The following RABGAP1L variants were observed in gnomAD, a reference collection of about 807,000 sequenced individuals.
The protein encoded by RABGAP1L is rab GTPase-activating protein 1-like.
RABGAP1L carries 63 observed loss-of-function variants against 137.7 expected under a neutral mutation model. The ratio of observed to expected loss-of-function variants is 0.46; its 90% CI spans 0.37 to 0.56. The LOEUF (loss-of-function observed/expected upper bound fraction) is 0.56, where lower values mean the gene tolerates loss of function less well. Ranked by LOEUF, RABGAP1L falls within the 20% of genes least tolerant of loss-of-function variation. The pLI, the probability that RABGAP1L is intolerant of heterozygous loss-of-function variation, is 0.00. For missense variants in RABGAP1L, 1,095 were observed against 1,244.0 expected (o/e 0.88, Z 1.80); for synonymous variants, 431 against 433.7 (o/e 0.99, Z 0.08).
chr1:174,456,767 G>C (rs1181557403), intron 13 of RABGAP1L, among the ~76,000 whole-genome samples: 1 of 152,016 alleles, frequency 6.6e-6, no homozygotes, highest in Non-Finnish European at 1.5e-5. Flanking sequence ...TGTATCAGTT[G>C]AATAAAAATG....
chr1:174,451,693 C>G (rs1258224554), intron 13 of RABGAP1L, among the ~76,000 whole-genome samples: 3 of 152,084 alleles, frequency 2.0e-5, no homozygotes, highest in Admixed American at 6.6e-5. Context: ...CAATATTTCT[C>G]TGAGTTTTAT....
chr1:174,558,277 T>C (rs999972169), intron 13 of RABGAP1L, among the ~76,000 whole-genome samples: 1 of 152,260 alleles, frequency 6.6e-6, no homozygotes, highest in East Asian at 1.9e-4. Context: ...GCCAGCCAAC[T>C]TGGTGCTTTC....
chr1:174,869,205 C>T (rs1651790299), intron 19 of RABGAP1L, among the ~76,000 whole-genome samples: 1 of 152,132 alleles, frequency 6.6e-6, no homozygotes, highest in Non-Finnish European at 1.5e-5. Context: ...ACTATTTTCT[C>T]GTTTTGTGGA....
intron 16 of RABGAP1L, chr1:174,700,941 C>T: frequency 1.5e-6 from 1 of 678,242 alleles, no homozygotes; most frequent in African/African-American, 1.9e-5. Flanking sequence ...TATGAAGAAC[C>T]TCAACCACAT....
intron 11 of RABGAP1L, among the ~76,000 whole-genome samples, chr1:174,346,942 A>C (rs1210215937): frequency 6.6e-6 from 1 of 152,066 alleles, no homozygotes; most frequent in African/African-American, 2.4e-5. Context: ...TTGTTTCAAT[A>C]AATTTTAAAA....
At position 174,466,473 on chromosome 1, in the gene RABGAP1L, T is replaced by C. The variant is rs568338800; in HGVS notation, c.1710+72328T>C. On this transcript the variant is annotated intron_variant, in intron 13 of 25. Coordinates refer to ENST00000681986, the MANE Select transcript of RABGAP1L (RefSeq NM_001366446.1). ...TTTTCCCCTTTTGTTTCAAATATTT[T>C]ATAAAATGTTTGCTAAAGACAGTGA... 7.9e-5 allele frequency among the ~76,000 whole-genome samples: 12 copies of C among 152,238 alleles called. 1 individual carries two copies. In the South Asian group the frequency reaches 2.5e-3, roughly 32 times the overall value.
At chr1:174,250,091 T>TAA (rs1483090320) in intron 5 of RABGAP1L, among the ~76,000 whole-genome samples, 1 of 152,202 alleles carries the variant, frequency 6.6e-6, no homozygotes, top group African/African-American at 2.4e-5. Context: ...GATTTGAACT[T>TAA]AAGTTTCCAT....
chr1:174,362,965 A>C (rs1429653985), intron 11 of RABGAP1L, among the ~76,000 whole-genome samples: 5 of 152,274 alleles, frequency 3.3e-5, no homozygotes, highest in Middle Eastern at 3.4e-3. Flanking sequence ...ATTTTTGTGC[A>C]TGGTGTAAGG....
intron 12 of RABGAP1L, among the ~76,000 whole-genome samples, chr1:174,373,335 G>A (rs1054611672): frequency 1.2e-4 from 18 of 152,204 alleles, no homozygotes; most frequent in Non-Finnish European, 2.2e-4. Context: ...GGCTTACAAT[G>A]TGTTAGAAGG....
chr1:174,801,841 TG>T (rs1688786481), intron 18 of RABGAP1L, among the ~76,000 whole-genome samples: 1 of 152,170 alleles, frequency 6.6e-6, no homozygotes, highest in East Asian at 1.9e-4. Flanking sequence ...GTTTTGATAT[TG>T]TGAAGTGCTA....
intron 1 of RABGAP1L, among the ~76,000 whole-genome samples, chr1:174,217,731 G>A (rs997604437): frequency 2.6e-5 from 4 of 152,172 alleles, no homozygotes; most frequent in African/African-American, 9.6e-5. Flanking sequence ...AATAAATGAT[G>A]GCTAGCTAAT....
chr1:174,387,017 C>A (rs558952451), intron 12 of RABGAP1L, among the ~76,000 whole-genome samples: 1 of 152,106 alleles, frequency 6.6e-6, no homozygotes, highest in Non-Finnish European at 1.5e-5. Context: ...TTCTAAAATG[C>A]AAGATTTATT....
At chr1:174,821,139 T>A (rs941665458) in intron 19 of RABGAP1L, among the ~76,000 whole-genome samples, 29 of 152,160 alleles carry the variant, frequency 1.9e-4, no homozygotes, top group Non-Finnish European at 4.4e-5. Flanking sequence ...TTTGTCCTAA[T>A]AATTCTGCCA....
At chr1:174,782,273 G>C in intron 18 of RABGAP1L, among the ~76,000 whole-genome samples, 1 of 152,036 alleles carries the variant, frequency 6.6e-6, no homozygotes, top group Non-Finnish European at 1.5e-5. Flanking sequence ...CCTTGAAGAG[G>C]TCCTTCACAT....
chr1:174,539,603 A>G lies in RABGAP1L; in HGVS notation c.1711-97772A>G, dbSNP rs140921581. On this transcript the variant is annotated intron_variant, in intron 13 of 25. Transcript: ENST00000681986. ...TGATGGTTTCCAGCTTCATCCATGT[A>G]CCCACAAAGGACATGAACTCATCCC... Among the ~76,000 whole-genome samples the G allele has an allele frequency of 5.1e-3, 778 of 152,224 alleles. 8 individuals carry two copies. Among genetic ancestry groups the G allele is most frequent in the African/African-American group, 0.017 (694 of 41,540 alleles).
At chr1:174,284,640 T>C (rs988443391) in intron 10 of RABGAP1L, among the ~76,000 whole-genome samples, 1 of 152,038 alleles carries the variant, frequency 6.6e-6, no homozygotes, top group African/African-American at 2.4e-5. Flanking sequence ...TTTTGAGTAC[T>C]CTTTGTACTG....
chr1:174,500,431 C>G (rs1211634701), intron 13 of RABGAP1L, among the ~76,000 whole-genome samples: 1 of 152,138 alleles, frequency 6.6e-6, no homozygotes, highest in Non-Finnish European at 1.5e-5. Flanking sequence ...TACTGGCCCC[C>G]TCAATGTATC....
rs544960719 is a variant in RABGAP1L at position 174,646,734 on chromosome 1, C to G, written c.1824+9246C>G. ...CATGAGAAATTTAAAGTAGTTTTTT[C>G]TAATTCTGTGAAGAGTGTCAGTGGT... On this transcript the variant is annotated intron_variant, in intron 14 of 25. Transcript: ENST00000681986. Among the ~76,000 whole-genome samples, 3 of 152,238 alleles carry G rather than the reference C, an allele frequency of 2.0e-5. No individual in the cohort carries two copies. In the East Asian group the frequency reaches 5.8e-4, roughly 29 times the overall value.
At chr1:174,915,077 T>A (rs542505188) in intron 19 of RABGAP1L, among the ~76,000 whole-genome samples, 2 of 152,244 alleles carry the variant, frequency 1.3e-5, no homozygotes, top group Non-Finnish European at 2.9e-5. Flanking sequence ...CATTTACCAG[T>A]TGATGGACTT....
Sources: gnomAD v4.1 joint callset for allele counts (sites outside exome capture counted in the v4.1 genomes callset) on GRCh38, gnomAD v4.1.1 for gene constraint, MANE v1.5 for transcripts, NCBI Gene and HGNC (gene_info 2026-07-23, HGNC 2026-07-21) for gene names.